FNDC1: variants seen among roughly 807,000 people sequenced by gnomAD.
The protein encoded by FNDC1 is fibronectin type III domain containing 1.
Under a neutral mutation model 168.0 loss-of-function variants are expected in FNDC1, and 96 were observed. The observed-to-expected ratio is 0.57, with a 90% CI of 0.48 to 0.68. The LOEUF (loss-of-function observed/expected upper bound fraction) is 0.68. Among genes scored for constraint, FNDC1 ranks in the 30% least tolerant of loss-of-function variants. The pLI, the probability that FNDC1 is intolerant of heterozygous loss-of-function variation, is 0.00. For missense variants in FNDC1, 2,587 were observed against 2,482.1 expected (o/e 1.04, Z -0.90); for synonymous variants, 1,099 against 1,025.9 (o/e 1.07, Z -1.36).
At chr6:159,252,283 T>A (rs1777284136) in intron 17 of FNDC1, among the ~76,000 whole-genome samples, 1 of 152,218 alleles carries the variant, frequency 6.6e-6, no homozygotes, top group Admixed American at 6.5e-5. Flanking sequence ...TGTGTGTGTC[T>A]CTGACTGGGA....
chr6:159,265,952 A>T (rs201330581), intron 20 of FNDC1, 132 bp from the exon 21 acceptor site: 2 of 93,372 alleles, frequency 2.1e-5, no homozygotes, highest in East Asian at 3.5e-4. Flanking sequence ...ACAACAACAC[A>T]AACAAACAAA....
Position 159,262,312 on chromosome 6 carries a change from T to C in FNDC1, c.5254+1043T>C, listed in dbSNP as rs367790331. Among the ~76,000 whole-genome samples, 41 of 152,366 alleles carry C rather than the reference T, an allele frequency of 2.7e-4. 2 individuals are homozygous for C. In the South Asian group the frequency reaches 8.5e-3, roughly 32 times the overall value. The stretch of plus-strand genomic sequence containing the variant: ...GCCCAGAAAATGGGTCATTGGAAGA[T>C]ATTTTTAAGTGTAATGATTTAAAAA... On this transcript the variant is annotated intron_variant, in intron 19 of 22. Coordinates refer to ENST00000297267, the MANE Select transcript of FNDC1 (RefSeq NM_032532.3).
At position 159,232,467 on chromosome 6, in the gene FNDC1, G is replaced by A. The variant is rs1283200757; in HGVS notation, c.1955G>A (p.Arg652His). Reference sequence around the variant, plus strand: ...TTGGTGGACTCAGACGAAGATGAGCGCGCTGTGGGCTCCCTCCACCCCAAG... The same window carrying A: ...TTGGTGGACTCAGACGAAGATGAGCACGCTGTGGGCTCCCTCCACCCCAAG... The part of the protein sequence containing the change: ...NDLVDSDEDE[R>H]AVGSLHPKGA... Residue 652 changes from arginine to histidine, a missense_variant, in exon 11 of 23, where the codon CGC (arginine) becomes CAC (histidine). Coordinates refer to ENST00000297267, the MANE Select transcript of FNDC1 (RefSeq NM_032532.3). This position sits in a 1 kb window ranked among gnomAD's most constrained non-coding sequence, Gnocchi z 4.9. 1.2e-5 allele frequency: 20 copies of A among 1,612,248 alleles called. No individual in the cohort carries two copies. The highest frequency in any genetic ancestry group is 1.7e-5 in the Admixed American group (1 of 59,910).
At chr6:159,217,736 C>G (rs1478445270) in intron 5 of FNDC1, among the ~76,000 whole-genome samples, 2 of 152,196 alleles carry the variant, frequency 1.3e-5, no homozygotes, top group African/African-American at 4.8e-5. Flanking sequence ...AGCGTCAAAG[C>G]CAGCCCAGCG....
At chr6:159,265,774 A>C (rs1247424682) in intron 20 of FNDC1, among the ~76,000 whole-genome samples, 1 of 152,130 alleles carries the variant, frequency 6.6e-6, no homozygotes, top group Non-Finnish European at 1.5e-5. Flanking sequence ...CTAAAAATAC[A>C]AAAATTAGCC....
chr6:159,220,547 C>T (rs1209853446), intron 5 of FNDC1, among the ~76,000 whole-genome samples: 2 of 151,920 alleles, frequency 1.3e-5, no homozygotes, highest in African/African-American at 4.8e-5. Flanking sequence ...AGTGTGTGAC[C>T]CTGGGCAAGT....
At chr6:159,240,327 T>C (rs1783392254) in intron 14 of FNDC1, among the ~76,000 whole-genome samples, 1 of 152,228 alleles carries the variant, frequency 6.6e-6, no homozygotes, top group Admixed American at 6.5e-5. Flanking sequence ...TGTGTTCCAA[T>C]GGATATTGTA....
chr6:159,233,493 G>A lies in FNDC1; in HGVS notation c.2981G>A (p.Arg994Lys), dbSNP rs1171028934. 3.7e-6 allele frequency: 6 copies of A among 1,604,514 alleles called. No homozygotes were observed. The South Asian group carries it at 5.5e-5, about 15-fold the overall frequency. Reference sequence around the variant, plus strand: ...TCACAGCAGCATCCCAGTGTTCCCAGAAGGATGACACCCGGCCGGGCCCCA... The same window carrying A: ...TCACAGCAGCATCCCAGTGTTCCCAAAAGGATGACACCCGGCCGGGCCCCA... The part of the protein sequence containing the change: ...ARSQQHPSVP[R>K]RMTPGRAPQQ... The change falls in exon 11 of 23, where the codon AGA becomes AAA. Residue 994 changes from arginine (R) to lysine (K), a missense_variant. Arg to Lys is a conservative substitution (Grantham distance 26, BLOSUM62 2). Coordinates refer to ENST00000297267, the MANE Select transcript of FNDC1 (RefSeq NM_032532.3). This position sits in a 1 kb window ranked among gnomAD's most constrained non-coding sequence, Gnocchi z 4.6.
At chr6:159,235,631 TG>T (rs745408802) in intron 11 of FNDC1, among the ~76,000 whole-genome samples, 5 of 152,194 alleles carry the variant, frequency 3.3e-5, no homozygotes, top group Non-Finnish European at 7.3e-5. Flanking sequence ...CATCTCCATG[TG>T]AGGCAGAGAC....
At chr6:159,177,429 G>T (rs994251224) in intron 1 of FNDC1, among the ~76,000 whole-genome samples, 1 of 152,126 alleles carries the variant, frequency 6.6e-6, no homozygotes, top group Non-Finnish European at 1.5e-5. Context: ...CTCATCCACA[G>T]TCACCCATGG....
At chr6:159,193,401 T>C (rs536421350) in intron 1 of FNDC1, among the ~76,000 whole-genome samples, 2 of 152,304 alleles carry the variant, frequency 1.3e-5, no homozygotes, top group South Asian at 2.1e-4. Context: ...TCATTACTTG[T>C]AGGCATGGTC....
intron 19 of FNDC1, among the ~76,000 whole-genome samples, chr6:159,264,291 A>G (rs1777549505): frequency 6.6e-6 from 1 of 152,226 alleles, no homozygotes; most frequent in Non-Finnish European, 1.5e-5. Context: ...CTGTCACTAT[A>G]GATTAGTTTG....
intron 1 of FNDC1, among the ~76,000 whole-genome samples, chr6:159,173,035 T>C (rs1465629316): frequency 6.6e-6 from 1 of 152,248 alleles, no homozygotes; most frequent in Admixed American, 6.5e-5. Flanking sequence ...TGGTTTATTA[T>C]TGTTTTTTAA....
At chr6:159,245,485 AT>A (rs111876029) in intron 14 of FNDC1, among the ~76,000 whole-genome samples, 16 of 149,484 alleles carry the variant, frequency 1.1e-4, no homozygotes, top group African/African-American at 2.5e-4. Context: ...AATTCCTACA[AT>A]TTTTTTTTTA....
At chr6:159,254,278 G>T (rs950822463) in intron 17 of FNDC1, among the ~76,000 whole-genome samples, 4 of 152,104 alleles carry the variant, frequency 2.6e-5, no homozygotes, top group Non-Finnish European at 4.4e-5. Context: ...CTCAAGGCTT[G>T]GTCCTGGGGC....
chr6:159,261,233 C>A lies in FNDC1; in HGVS notation c.5218C>A (p.Pro1740Thr). 1 of 1,613,268 alleles carries A rather than the reference C, an allele frequency of 6.2e-7. No homozygotes were observed. The highest frequency in any genetic ancestry group is 1.1e-5 in the South Asian group (1 of 90,926). The change falls in exon 19 of 23, where the codon CCT becomes ACT. Residue 1740 changes from proline to threonine, a missense_variant. Transcript: ENST00000297267. ...AGCACAAAATCCTCATGGCTACGGA[C>A]CTATCAGCCCTTCGGTCTCATTTGT... is the stretch of plus-strand genomic sequence containing the variant. Reference protein sequence around the residue: ...VQAQNPHGYGPISPSVSFVTE... With the variant: ...VQAQNPHGYGTISPSVSFVTE...
chr6:159,231,381 CA>C lies in FNDC1; in HGVS notation c.1370-487del, dbSNP rs1185205858. ...TGGGCGACAGAGCGAGACTCCGTCTCAAAAAAAAAAAAAATTACAAATTGGT... is the reference window on the plus strand; with the variant it reads ...TGGGCGACAGAGCGAGACTCCGTCTCAAAAAAAAAAAAATTACAAATTGGT... On this transcript the variant is annotated intron_variant, in intron 10 of 22. Coordinates refer to ENST00000297267, the MANE Select transcript of FNDC1 (RefSeq NM_032532.3). Among the ~76,000 whole-genome samples, 274 of 28,210 alleles carry C rather than the reference CA, an allele frequency of 9.7e-3. 43 individuals carry two copies. Among genetic ancestry groups the C allele is most frequent in the African/African-American group, 0.012 (224 of 17,978 alleles). 18.5% of individuals were successfully genotyped at this position (28,210 alleles called of 152,430 possible). A position where few individuals can be genotyped will look rare whatever the true frequency, so the allele number is the denominator to read the frequency against.
At chr6:159,200,640 G>C (rs1782359545) in intron 4 of FNDC1, 59 bp downstream of exon 4, 2 of 1,376,132 alleles carry the variant, frequency 1.5e-6, no homozygotes, top group Non-Finnish European at 2.0e-6. Context: ...TCTCGCAAGA[G>C]AGTTGTGCTT....
intron 1 of FNDC1, among the ~76,000 whole-genome samples, chr6:159,179,740 G>A (rs563840008): frequency 6.6e-6 from 1 of 152,310 alleles, no homozygotes; most frequent in South Asian, 2.1e-4. Flanking sequence ...TTTATTCCCT[G>A]CTATAGCCTC....
Sources: allele counts gnomAD v4.1 joint callset (sites outside exome capture counted in the v4.1 genomes callset), GRCh38; gene constraint gnomAD v4.1.1; non-coding constraint Gnocchi (gnomAD v3.1); transcripts MANE v1.5; gene names NCBI Gene and HGNC (gene_info 2026-07-23, HGNC 2026-07-21).